HEG1: variants seen among roughly 807,000 people sequenced by gnomAD.
HEG1 encodes protein HEG homolog 1.
HEG1 carries 56 observed loss-of-function variants against 125.6 expected under a neutral mutation model. The ratio of observed to expected loss-of-function variants is 0.45; its 90% confidence interval spans 0.36 to 0.56. The LOEUF (loss-of-function observed/expected upper bound fraction) is 0.56. Among genes scored for constraint, HEG1 ranks in the 20% least tolerant of loss-of-function variants. The pLI, the probability that HEG1 is intolerant of heterozygous loss-of-function variation, is 0.00. For synonymous variants in HEG1, 644 were observed against 668.5 expected (o/e 0.96, Z 0.57); for missense variants, 1,523 against 1,670.0 (o/e 0.91, Z 1.53).
At chr3:124,990,050 G>C (rs1394471814) in intron 14 of HEG1, among the ~76,000 whole-genome samples, 2 of 152,038 alleles carry the variant, frequency 1.3e-5, no homozygotes, top group Non-Finnish European at 2.9e-5. Context: ...TGTCTAAGTT[G>C]CTCCCTCTGC....
chr3:125,011,885 G>A (rs937997012), intron 6 of HEG1, among the ~76,000 whole-genome samples: 4 of 152,052 alleles, frequency 2.6e-5, no homozygotes, highest in Non-Finnish European at 4.4e-5. Context: ...TCCTTCTACC[G>A]TTCCTTAAAT....
chr3:125,013,905 T>A lies in HEG1; in HGVS notation c.1674A>T (p.Ser558=). ...CCCGTTCTCCTTTGGTGAAAGTAGA[T>A]GACAGGTAGGTGTGGTCTGTGTGGT... The part of the protein sequence containing the change: ...SSDHTDHTYL[S]STFTKGERAL... Residue 558 remains serine, a synonymous_variant, in exon 6 of 17, where the codon TCA becomes TCT. Transcript: ENST00000311127. The A allele has an allele frequency of 6.2e-7, 1 of 1,613,942 alleles. No individual in the cohort carries two copies. The highest frequency in any genetic ancestry group is 8.5e-7 in the Non-Finnish European group (1 of 1,179,850).
At chr3:125,039,108 G>C (rs577084107) in intron 1 of HEG1, among the ~76,000 whole-genome samples, 2 of 152,068 alleles carry the variant, frequency 1.3e-5, no homozygotes, top group East Asian at 3.9e-4. Flanking sequence ...CCTGTGCTGG[G>C]CCATAACTTT....
chr3:125,029,100 A>G, intron 2 of HEG1, 95 bp downstream of exon 2: 1 of 1,375,644 alleles, frequency 7.3e-7, no homozygotes, highest in South Asian at 1.4e-5. Context: ...GGAAGGGCAC[A>G]ATGGCTCAGA....
intron 3 of HEG1, among the ~76,000 whole-genome samples, chr3:125,024,876 G>T (rs746715686): frequency 6.6e-6 from 1 of 152,226 alleles, no homozygotes; most frequent in Non-Finnish European, 1.5e-5. Context: ...TCCTCTCCAT[G>T]CCAGGCTCCT....
At position 125,013,483 on chromosome 3, in the gene HEG1, A is replaced by T. The variant is rs1247455498; in HGVS notation, c.2096T>A (p.Val699Glu). 1.2e-6 allele frequency: 2 copies of T among 1,613,934 alleles called. No individual in the cohort carries two copies. The highest frequency in any genetic ancestry group is 1.7e-6 in the Non-Finnish European group (2 of 1,179,888). The change falls in exon 6 of 17, where the codon GTG becomes GAG. Residue 699 changes from valine (V) to glutamate (E), a missense_variant. Val to Glu is a moderately radical substitution (Grantham distance 121, BLOSUM62 -2). Coordinates refer to ENST00000311127, the MANE Select transcript of HEG1 (RefSeq NM_020733.2). ...ATCAGAGGTAGACTTTAGTAGATGC[A>T]CAGAGGCCCTGGTTGATGGTAAAAT... ...SSILPSTRASVHLLKSTSDAS... is the reference protein window; with the variant it reads ...SSILPSTRASEHLLKSTSDAS...
rs1233072228 is a variant in HEG1 at position 125,027,498 on chromosome 3, C to A, written c.620G>T (p.Ser207Ile). 1.3e-6 allele frequency: 2 copies of A among 1,599,274 alleles called. No individual in the cohort carries two copies. The highest frequency in any genetic ancestry group is 8.5e-7 in the Non-Finnish European group (1 of 1,174,032). The change falls in exon 3 of 17, where the codon AGT (serine) becomes ATT (isoleucine). Residue 207 changes from serine (S) to isoleucine (I), a missense_variant. Coordinates refer to ENST00000311127, the MANE Select transcript of HEG1 (RefSeq NM_020733.2). ...TSQSGNLASE[S>I]LHLPSSSSEF... ...TGAACTGCTGGATGGCAGGTGAAGA[C>A]TTTCTGAGGCTGAAAACAGACAAAA...
chr3:125,015,136 C>T (rs1451768056), intron 5 of HEG1: 1 of 518,212 alleles, frequency 1.9e-6, no homozygotes, highest in Non-Finnish European at 2.9e-6. Flanking sequence ...GGGTCTTTAT[C>T]TGAGATGTCT....
intron 4 of HEG1, 94 bp from the exon 5 acceptor site, chr3:125,019,691 T>C (rs1331018668): frequency 1.1e-6 from 1 of 935,192 alleles, no homozygotes; most frequent in East Asian, 2.4e-5. Context: ...GAAAGATTCT[T>C]TGCCAAGGAA....
chr3:125,024,108 G>A (rs1309090365), intron 3 of HEG1, among the ~76,000 whole-genome samples: 1 of 152,168 alleles, frequency 6.6e-6, no homozygotes, highest in Non-Finnish European at 1.5e-5. Flanking sequence ...TTCATAAGTT[G>A]AGATACATTA....
intron 14 of HEG1, among the ~76,000 whole-genome samples, chr3:124,978,802 A>AAAAAAAAT (rs1936596172): frequency 7.1e-6 from 1 of 140,044 alleles, no homozygotes; most frequent in Non-Finnish European, 1.5e-5. Flanking sequence ...CTCTGTCTCA[A>AAAAAAAAT]AAATAAATAA....
At chr3:125,002,376 C>G (rs1394518987) in intron 9 of HEG1, 61 bp from the exon 10 acceptor site, 1 of 1,432,788 alleles carries the variant, frequency 7.0e-7, no homozygotes, top group African/African-American at 1.4e-5. Context: ...GGACCTAGAA[C>G]CAGTTTCCTA....
intron 1 of HEG1, among the ~76,000 whole-genome samples, chr3:125,044,446 T>A (rs1173029439): frequency 1.2e-4 from 18 of 152,182 alleles, no homozygotes; most frequent in African/African-American, 4.8e-5. Context: ...ATTATTATTG[T>A]TATATTGCAG....
In HEG1 at chr3:125,029,439, T is replaced by G; in HGVS notation, c.366A>C (p.Glu122Asp). ...CTTGATTCTGATAGAAGGTGATGTT[T>G]TCTACATGGGCCTCAGTGTTACTTT... is the stretch of plus-strand genomic sequence containing the variant. ...WPESNTEAHVENITFYQNQED... is the reference protein window; with the variant it reads ...WPESNTEAHVDNITFYQNQED... Residue 122 changes from glutamate to aspartate, a missense_variant, in exon 2 of 17, where the codon GAA becomes GAC. Coordinates refer to ENST00000311127, the MANE Select transcript of HEG1 (RefSeq NM_020733.2). The G allele has an allele frequency of 6.2e-7, 1 of 1,603,818 alleles. No individual in the cohort carries two copies. Among genetic ancestry groups the G allele is most frequent in the Non-Finnish European group, 8.5e-7 (1 of 1,179,760 alleles).
intron 9 of HEG1, among the ~76,000 whole-genome samples, chr3:125,002,707 G>C (rs1416976315): frequency 1.3e-5 from 2 of 152,144 alleles, no homozygotes; most frequent in African/African-American, 2.4e-5. Flanking sequence ...AGCTACTCTA[G>C]GTCTGACAGG....
intron 14 of HEG1, among the ~76,000 whole-genome samples, chr3:124,988,227 C>A (rs563539903): frequency 1.3e-5 from 2 of 151,958 alleles, no homozygotes; most frequent in African/African-American, 4.8e-5. Flanking sequence ...CCCTTTAAGG[C>A]ATAGATATCC....
At position 125,013,656 on chromosome 3, in the gene HEG1, A is replaced by T; in HGVS notation, c.1923T>A (p.Asn641Lys). The change falls in exon 6 of 17, where the codon AAT (asparagine) becomes AAA (lysine). Residue 641 changes from asparagine (N) to lysine (K), a missense_variant. By Grantham distance (94) the Asn-to-Lys change is moderately conservative. Coordinates refer to ENST00000311127, the MANE Select transcript of HEG1 (RefSeq NM_020733.2). ...CCAGAACAACCGAAGTGTTCGGCATATTAATGGTGGGTGTGTAGGACGGAA... is the reference window on the plus strand; with the variant it reads ...CCAGAACAACCGAAGTGTTCGGCATTTTAATGGTGGGTGTGTAGGACGGAA... ...SNLPSYTPTI[N>K]MPNTSVVLDT... The T allele has an allele frequency of 6.2e-7, 1 of 1,613,618 alleles. No individual in the cohort carries two copies. Among genetic ancestry groups the T allele is most frequent in the East Asian group, 2.2e-5 (1 of 44,878 alleles).
chr3:125,013,491 C>T lies in HEG1; in HGVS notation c.2088G>A (p.Arg696=), dbSNP rs1937191600. The change falls in exon 6 of 17, where the codon AGG becomes AGA. Residue 696 remains arginine (R), a synonymous_variant. Transcript: ENST00000311127. ...HLFSSILPST[R]ASVHLLKSTS... is the part of the protein sequence containing the mutation. ...TAGACTTTAGTAGATGCACAGAGGCCCTGGTTGATGGTAAAATTGATGAAA... is the reference window on the plus strand; with the variant it reads ...TAGACTTTAGTAGATGCACAGAGGCTCTGGTTGATGGTAAAATTGATGAAA... The T allele has an allele frequency of 6.2e-7, 1 of 1,613,424 alleles. No individual in the cohort carries two copies. Among genetic ancestry groups the T allele is most frequent in the Non-Finnish European group, 8.5e-7 (1 of 1,179,782 alleles).
At chr3:125,038,724 A>T (rs545989747) in intron 1 of HEG1, among the ~76,000 whole-genome samples, 3 of 151,980 alleles carry the variant, frequency 2.0e-5, no homozygotes, top group Admixed American at 2.0e-4. Context: ...TGAGTAGGAG[A>T]GTAATTTGGA....
Sources: allele counts gnomAD v4.1 joint callset (sites outside exome capture counted in the v4.1 genomes callset), GRCh38; gene constraint gnomAD v4.1.1; transcripts MANE v1.5; gene names NCBI Gene and HGNC (gene_info 2026-07-23, HGNC 2026-07-21).